HIPK1: variants seen among roughly 807,000 people sequenced by gnomAD.
HIPK1 encodes the protein homeodomain interacting protein kinase 1.
In HIPK1, 28 loss-of-function variants were observed where a neutral mutation model predicts 117.1. The ratio of observed to expected loss-of-function variants is 0.24; its 90% CI spans 0.18 to 0.33. The LOEUF is 0.33. HIPK1 is among the 10% of genes least tolerant of loss of function. HIPK1 has a pLI of 1.00. For missense variants in HIPK1, 1,122 were observed against 1,475.1 expected, an observed-to-expected ratio of 0.76 and a Z score of 3.92; for synonymous variants, 605 against 562.5, an observed-to-expected ratio of 1.08 and a Z score of -1.07.
rs750013765 is a variant in HIPK1, at chr1:113,941,758, TTTA to T, written c.1076+302_1076+304del. 4.6e-5 allele frequency among the ~76,000 whole-genome samples: 7 copies of T among 152,040 alleles called. No homozygotes were observed. Among genetic ancestry groups the T allele is most frequent in the Non-Finnish European group, 8.8e-5 (6 of 67,970 alleles). ...TCATTTTCCCATTTTATTTATTTTATTTATTTATTTATTTATTTAGAGACAGAA... is the reference window on the plus strand; with the variant it reads ...TCATTTTCCCATTTTATTTATTTTATTTTATTTATTTATTTAGAGACAGAA... On this transcript the variant is annotated intron_variant, in intron 2 of 15. Coordinates refer to ENST00000426820, the MANE Select transcript of HIPK1 (RefSeq NM_198268.3). This position sits in a 1 kb window ranked among gnomAD's most constrained non-coding sequence, Gnocchi z 4.9.
At chr1:113,965,390 C>A (rs1265922865) in intron 10 of HIPK1, among the ~76,000 whole-genome samples, 1 of 151,952 alleles carries the variant, frequency 6.6e-6, no homozygotes, top group African/African-American at 2.4e-5. Context: ...AACTAGAAAT[C>A]ATGTATTTTC....
chr1:113,971,427 C>G (rs1672814705), intron 14 of HIPK1, among the ~76,000 whole-genome samples: 1 of 152,204 alleles, frequency 6.6e-6, no homozygotes, highest in African/African-American at 2.4e-5. Flanking sequence ...AACCCTCTTG[C>G]CACTTTAATA....
In HIPK1 at chr1:113,940,501, G is replaced by A; in HGVS notation, c.118G>A (p.Asp40Asn). ...GGATGTTTCAGGACAGAGTAGCAAC[G>A]ACAAATATTATACCCACAGCAAAAC... ...GWDVSGQSSN[D>N]KYYTHSKTLP... Residue 40 changes from aspartate (D) to asparagine (N), a missense_variant, in exon 2 of 16, where the codon GAC becomes AAC. Asp to Asn is a conservative substitution (Grantham distance 23). This residue lies in a region of HIPK1 where 192 missense variants were observed against 234.0 expected (regional missense o/e 0.82). Coordinates refer to ENST00000426820, the MANE Select transcript of HIPK1 (RefSeq NM_198268.3). The A allele has an allele frequency of 1.2e-6, 2 of 1,614,104 alleles. No individual in the cohort carries two copies. Among genetic ancestry groups the A allele is most frequent in the South Asian group, 1.1e-5 (1 of 91,076 alleles).
chr1:113,931,948 G>T (rs1007886200), intron 1 of HIPK1, among the ~76,000 whole-genome samples: 1 of 151,970 alleles, frequency 6.6e-6, no homozygotes, highest in African/African-American at 2.4e-5. Flanking sequence ...TATTCCTCCC[G>T]TTATCTTCCC....
intron 13 of HIPK1, among the ~76,000 whole-genome samples, chr1:113,968,913 G>A (rs564886483): frequency 1.1e-4 from 16 of 152,232 alleles, no homozygotes; most frequent in Admixed American, 8.5e-4. Context: ...CCAGCTACTC[G>A]GGAGGCTGAG....
intron 1 of HIPK1, among the ~76,000 whole-genome samples, chr1:113,931,723 A>G (rs1206006602): frequency 6.6e-6 from 1 of 152,222 alleles, no homozygotes; most frequent in Non-Finnish European, 1.5e-5. Context: ...TTTTATAAGC[A>G]CAGCTCCATC....
intron 1 of HIPK1, among the ~76,000 whole-genome samples, chr1:113,935,337 G>C (rs1273054193): frequency 6.6e-6 from 1 of 152,134 alleles, no homozygotes; most frequent in Admixed American, 6.5e-5. Context: ...CATCCATGTT[G>C]CCTGTTGCTG....
intron 13 of HIPK1, 44 bp from the exon 14 acceptor site, chr1:113,969,912 C>CA: frequency 6.2e-7 from 1 of 1,607,904 alleles, no homozygotes; most frequent in African/African-American, 1.3e-5. Flanking sequence ...GTCACACACA[C>CA]AAAAAAGAAC....
intron 2 of HIPK1, among the ~76,000 whole-genome samples, chr1:113,944,966 G>C (rs2101211130): frequency 6.6e-6 from 1 of 152,252 alleles, no homozygotes; most frequent in South Asian, 2.1e-4. Flanking sequence ...TCCCACCTTA[G>C]CCTTTCGGGT....
At chr1:113,972,960 T>A in intron 15 of HIPK1, 64 bp from the exon 16 acceptor site, 1 of 1,492,404 alleles carries the variant, frequency 6.7e-7, no homozygotes, top group South Asian at 1.4e-5. Flanking sequence ...GCTCTTAACT[T>A]GGCCTTTGGT....
At chr1:113,938,078 C>T (rs1251993891) in intron 1 of HIPK1, among the ~76,000 whole-genome samples, 2 of 151,284 alleles carry the variant, frequency 1.3e-5, no homozygotes, top group Non-Finnish European at 2.9e-5. Context: ...GATTTTCCTG[C>T]TTCAGCCTCC....
intron 1 of HIPK1, among the ~76,000 whole-genome samples, chr1:113,930,265 TC>T (rs1669778115): frequency 6.6e-6 from 1 of 152,246 alleles, no homozygotes; most frequent in Admixed American, 6.5e-5. Context: ...GCCGGTTTTT[TC>T]CCCGGCTGTC....
rs1672967713 is a variant in HIPK1, at chr1:113,973,317, C to T, written c.3438C>T (p.Thr1146=). The T allele has an allele frequency of 6.2e-7, 1 of 1,614,148 alleles. No homozygotes were observed. The highest frequency in any genetic ancestry group is 1.3e-5 in the African/African-American group (1 of 75,022). Residue 1146 remains threonine (T), a synonymous_variant, in exon 16 of 16, where the codon ACC becomes ACT. Transcript: ENST00000426820. ...QGSSRHAAAY[T]THPSTLVHQV... ...CCTCAAGGCATGCTGCAGCCTATAC[C>T]ACTCACCCTAGCACTTTGGTGCACC...
At chr1:113,929,634 A>T in intron 1 of HIPK1, 102 bp downstream of exon 1, 1 of 1,072,102 alleles carries the variant, frequency 9.3e-7, no homozygotes. Flanking sequence ...TCTGGCGACA[A>T]CGGCGGCTGC....
intron 1 of HIPK1, chr1:113,933,043 C>G: frequency 4.2e-6 from 1 of 239,108 alleles, no homozygotes; most frequent in East Asian, 1.8e-4. Flanking sequence ...TAATTCTAAG[C>G]TTTATAGACC....
rs766853618 is a variant in HIPK1, at chr1:113,973,012, T to C, written c.3145-12T>C. On this transcript the variant is annotated splice_polypyrimidine_tract_variant and intron_variant, in intron 15 of 15. Coordinates refer to ENST00000426820, the MANE Select transcript of HIPK1 (RefSeq NM_198268.3). ...ACCTCAGGATTCCTCACTTCTTCCT[T>C]CTTTCTTCCAGAACCAGCAGTCATC... 11 of 1,512,464 alleles carry C rather than the reference T, an allele frequency of 7.3e-6. No individual in the cohort carries two copies. The South Asian group carries it at 1.3e-4, about 18-fold the overall frequency. The allele number at this position is 1,512,464 out of a possible 1,614,324, so 93.7% of individuals were successfully genotyped here.
chr1:113,931,184 T>G (rs1442776354), intron 1 of HIPK1, among the ~76,000 whole-genome samples: 2 of 142,484 alleles, frequency 1.4e-5, no homozygotes, highest in African/African-American at 5.3e-5. Context: ...TTTTTTTTTT[T>G]GTAAGATTAT....
chr1:113,935,333 T>C (rs974269481), intron 1 of HIPK1, among the ~76,000 whole-genome samples: 6 of 152,234 alleles, frequency 3.9e-5, no homozygotes, highest in East Asian at 1.9e-4. Context: ...GCTTCATCCA[T>C]GTTGCCTGTT....
intron 1 of HIPK1, among the ~76,000 whole-genome samples, chr1:113,932,836 C>T (rs1277736525): frequency 6.6e-6 from 1 of 152,176 alleles, no homozygotes; most frequent in Non-Finnish European, 1.5e-5. Context: ...CATCCTTTGG[C>T]ATACTAGCAT....
Sources: gnomAD v4.1 joint callset for allele counts (sites outside exome capture counted in the v4.1 genomes callset) on GRCh38, gnomAD v4.1.1 for gene constraint, gnomAD v4.1.1 regional missense constraint, Gnocchi (gnomAD v3.1) non-coding constraint, MANE v1.5 for transcripts, NCBI Gene and HGNC (gene_info 2026-07-23, HGNC 2026-07-21) for gene names.